Variants in TTBK2 observed in about 807,000 individuals in gnomAD.
TTBK2 encodes the protein tau tubulin kinase 2.
A neutral mutation model predicts 110.8 loss-of-function variants in TTBK2; 28 were observed. The observed-to-expected ratio is 0.25, with a 90% CI of 0.19 to 0.35. The LOEUF (loss-of-function observed/expected upper bound fraction) is 0.35. Among genes scored for constraint, TTBK2 ranks in the 10% least tolerant of loss-of-function variants. TTBK2 has a pLI of 1.00. For missense variants in TTBK2, 1,369 were observed against 1,500.3 expected, an observed-to-expected ratio of 0.91 and a Z score of 1.45; for synonymous variants, 532 against 527.3, an observed-to-expected ratio of 1.01 and a Z score of -0.12.
chr15:42,793,352 C>T (rs1283119589), intron 10 of TTBK2, among the ~76,000 whole-genome samples: 13 of 152,158 alleles, frequency 8.5e-5, no homozygotes, highest in Admixed American at 8.5e-4. Flanking sequence ...GAAAACTCTT[C>T]CGATGATTCA....
At chr15:42,804,841 A>T (rs1280800567) in intron 9 of TTBK2, among the ~76,000 whole-genome samples, 1 of 152,148 alleles carries the variant, frequency 6.6e-6, no homozygotes, top group Non-Finnish European at 1.5e-5. Context: ...CAACTACTGG[A>T]CTCATACTGG....
chr15:42,776,139 A>G (rs899201599), intron 12 of TTBK2, among the ~76,000 whole-genome samples: 1 of 152,226 alleles, frequency 6.6e-6, no homozygotes, highest in Non-Finnish European at 1.5e-5. Flanking sequence ...AAGAACACAC[A>G]TATGTGAAGG....
In TTBK2 at chr15:42,779,222, G is replaced by A. The variant is rs549564692; in HGVS notation, c.1198-1980C>T. ...AGTTCAAGACCAGCCTAGCCAACAC[G>A]GTAAAACCCTGTCTCTAATAAAAAT... On this transcript the variant is annotated intron_variant, in intron 11 of 14. Coordinates refer to ENST00000267890, the MANE Select transcript of TTBK2 (RefSeq NM_173500.4). 2.7e-4 allele frequency among the ~76,000 whole-genome samples: 41 copies of A among 152,112 alleles called. 2 individuals carry two copies. In the East Asian group the frequency reaches 7.2e-3, roughly 27 times the overall value.
At chr15:42,894,696 G>A (rs917306619) in intron 1 of TTBK2, among the ~76,000 whole-genome samples, 1 of 152,196 alleles carries the variant, frequency 6.6e-6, no homozygotes, top group African/African-American at 2.4e-5. Flanking sequence ...CAAGGTTGCA[G>A]TAAGCCAAGA....
At chr15:42,828,097 C>T (rs1352626774) in intron 5 of TTBK2, 65 bp from the exon 6 acceptor site, 1 of 1,287,366 alleles carries the variant, frequency 7.8e-7, no homozygotes, top group East Asian at 2.6e-5. Flanking sequence ...TTTTATCATT[C>T]TTACATTTTA....
At position 42,746,132 on chromosome 15, in the gene TTBK2, G is replaced by T; in HGVS notation, c.3398C>A (p.Ser1133Tyr). The T allele has an allele frequency of 6.2e-7, 1 of 1,614,170 alleles. No individual in the cohort carries two copies. The change falls in exon 15 of 15, where the codon TCT becomes TAT. Residue 1133 changes from serine to tyrosine, a missense_variant. Ser to Tyr is a moderately radical substitution (Grantham distance 144). This residue lies in a region of TTBK2 where 1,097 missense variants were observed against 1,114.7 expected (regional missense o/e 0.98). Coordinates refer to ENST00000267890, the MANE Select transcript of TTBK2 (RefSeq NM_173500.4). The stretch of plus-strand genomic sequence containing the variant: ...GGGTGGTGTTTTTGGATTGTGAGGA[G>T]ATCCTGGACTCTTGCACTGAGTAGT... ...RSTTQCKSPG[S>Y]PHNPKTPPKS...
chr15:42,794,626 G>A lies in TTBK2; in HGVS notation c.980+18C>T. The A allele has an allele frequency of 6.2e-7, 1 of 1,614,120 alleles. No homozygotes were observed. The highest frequency in any genetic ancestry group is 8.5e-7 in the Non-Finnish European group (1 of 1,180,010). The stretch of plus-strand genomic sequence containing the variant: ...ACATCCAGGAAAGACACCACCAAAT[G>A]ATCTGTTTAGGACATACCCAATTGC... On this transcript the variant is annotated intron_variant, in intron 10 of 14. Transcript: ENST00000267890.
chr15:42,837,625 C>T (rs1376079990), intron 4 of TTBK2, among the ~76,000 whole-genome samples: 1 of 142,496 alleles, frequency 7.0e-6, no homozygotes, highest in Non-Finnish European at 1.5e-5. Flanking sequence ...TGCCACTGCA[C>T]TCCTGCCCGG....
intron 14 of TTBK2, among the ~76,000 whole-genome samples, chr15:42,750,448 A>C (rs572472215): frequency 6.6e-6 from 1 of 152,280 alleles, no homozygotes; most frequent in African/African-American, 2.4e-5. Context: ...TTTGGAACTA[A>C]AAAGTACAAT....
At position 42,764,879 on chromosome 15, in the gene TTBK2, G is replaced by T. The variant is rs1300123686; in HGVS notation, c.1998+10256C>A. Among the ~76,000 whole-genome samples, 3 of 152,250 alleles carry T rather than the reference G, an allele frequency of 2.0e-5. No individual in the cohort carries two copies. In the South Asian group the frequency reaches 6.2e-4, roughly 32 times the overall value. The stretch of plus-strand genomic sequence containing the variant: ...TAGGGGCTGAGTGTCACCTCATATA[G>T]CCAGGTGCCCCTCTGAGACGAAGCT... On this transcript the variant is annotated intron_variant, in intron 13 of 14. Transcript: ENST00000267890.
chr15:42,769,054 C>T (rs1163261582), intron 13 of TTBK2, among the ~76,000 whole-genome samples: 4 of 152,116 alleles, frequency 2.6e-5, no homozygotes, highest in Non-Finnish European at 5.9e-5. Flanking sequence ...AACTGGCTAG[C>T]CATATGTAGA....
intron 6 of TTBK2, among the ~76,000 whole-genome samples, chr15:42,823,285 T>G (rs1192074193): frequency 1.3e-5 from 2 of 152,058 alleles, no homozygotes; most frequent in African/African-American, 4.8e-5. Flanking sequence ...ATACAAAAAA[T>G]GAACAGGCAG....
intron 3 of TTBK2, among the ~76,000 whole-genome samples, chr15:42,846,959 C>G (rs893798840): frequency 1.3e-5 from 2 of 152,212 alleles, no homozygotes; most frequent in Non-Finnish European, 2.9e-5. Context: ...TCCCCCATAC[C>G]TCACACTTAT....
chr15:42,752,415 C>T lies in TTBK2; in HGVS notation c.2831G>A (p.Arg944Gln), dbSNP rs201348630. The T allele has an allele frequency of 3.7e-5, 60 of 1,614,142 alleles. No homozygotes were observed. The East Asian group carries it at 4.0e-4, about 11-fold the overall frequency. The change falls in exon 14 of 15, where the codon CGA becomes CAA. Residue 944 changes from arginine (R) to glutamine (Q), a missense_variant. Arg to Gln is a conservative substitution (Grantham distance 43). Coordinates refer to ENST00000267890, the MANE Select transcript of TTBK2 (RefSeq NM_173500.4). ...TATCTCTTGTGCTAAAACAGGGATT[C>T]GGCTGTGTCTAGTTACAAAGGATGA... is the stretch of plus-strand genomic sequence containing the variant. ...VRSSFVTRHS[R>Q]IPVLAQEIDS...
chr15:42,836,154 A>G (rs1567051648), intron 4 of TTBK2, among the ~76,000 whole-genome samples: 1 of 152,142 alleles, frequency 6.6e-6, no homozygotes. Flanking sequence ...AGGGGAATTC[A>G]GAAAAAAAAA....
intron 1 of TTBK2, among the ~76,000 whole-genome samples, chr15:42,907,903 T>G (rs1413148805): frequency 3.4e-5 from 5 of 145,310 alleles, no homozygotes; most frequent in African/African-American, 1.3e-4. Flanking sequence ...AAACCCCATC[T>G]CTACAAAAAA....
intron 10 of TTBK2, among the ~76,000 whole-genome samples, chr15:42,792,817 G>T (rs139469783): frequency 1.3e-5 from 2 of 152,066 alleles, no homozygotes; most frequent in Non-Finnish European, 2.9e-5. Flanking sequence ...TACAAGTTAC[G>T]CTGAGGACAT....
At chr15:42,903,942 T>C (rs919196680) in intron 1 of TTBK2, among the ~76,000 whole-genome samples, 35 of 152,220 alleles carry the variant, frequency 2.3e-4, no homozygotes, top group African/African-American at 7.0e-4. Flanking sequence ...TTGAGGCAGC[T>C]TCTGCTAGAA....
At chr15:42,919,955 C>T (rs1309487648) in intron 1 of TTBK2, 3 of 293,222 alleles carry the variant, frequency 1.0e-5, no homozygotes, top group African/African-American at 6.8e-5. Flanking sequence ...ATTACTTCAG[C>T]ACCCTAAGTA....
Sources: allele counts gnomAD v4.1 joint callset (sites outside exome capture counted in the v4.1 genomes callset), GRCh38; gene constraint gnomAD v4.1.1; regional missense constraint gnomAD v4.1.1; transcripts MANE v1.5; gene names NCBI Gene and HGNC (gene_info 2026-07-23, HGNC 2026-07-21).